The following ZNF600 variants were observed in gnomAD, a reference collection of about 807,000 sequenced individuals.
ZNF600 encodes zinc finger protein KR-ZNF1.
A neutral mutation model predicts 7.3 loss-of-function variants in ZNF600; 4 were observed. That is an observed-to-expected ratio of 0.55 (90% CI 0.27 to 1.25). The LOEUF (loss-of-function observed/expected upper bound fraction) is 1.25, where lower values mean the gene tolerates loss of function less well. ZNF600 is among the 50% of genes most tolerant of loss of function. The probability of loss-of-function intolerance (pLI) is 0.12; values close to 1 mark genes in which losing one functional copy is unlikely to be tolerated. For missense variants in ZNF600, 911 were observed against 922.1 expected (o/e 0.99, Z 0.16); for synonymous variants, 290 against 308.9 (o/e 0.94, Z 0.64).
At chr19:52,796,743 C>T in the ZNF600 span, among the ~76,000 whole-genome samples, 3 of 152,220 alleles carry the variant, frequency 2.0e-5, no homozygotes, top group Non-Finnish European at 4.4e-5. Flanking sequence ...GCTGGTATTA[C>T]AGGCCTGAGC....
At chr19:52,800,923 A>G in the ZNF600 span, 1 of 1,614,154 alleles carries the variant, frequency 6.2e-7, no homozygotes, top group East Asian at 2.2e-5. Flanking sequence ...TTGCGACTGA[A>G]AACTTTGTCA....
chr19:52,826,915 G>C, the ZNF600 span, among the ~76,000 whole-genome samples: 1 of 152,006 alleles, frequency 6.6e-6, no homozygotes, highest in Non-Finnish European at 1.5e-5. Flanking sequence ...GCAGAGTCCA[G>C]CCAGGCTGGC....
exon 4 of ZNF600, chr19:52,766,293 T>G: frequency 6.2e-7 from 1 of 1,614,220 alleles, no homozygotes; most frequent in South Asian, 1.1e-5. Flanking sequence ...AATTCTAGTA[T>G]GTTTTGCCAG....
chr19:52,765,571 T>C (rs1428009140), exon 4 of ZNF600: 4 of 1,613,676 alleles, frequency 2.5e-6, no homozygotes, highest in African/African-American at 1.3e-5. Flanking sequence ...CTGAAGACTT[T>C]GTGACAATCA....
At chr19:52,819,345 C>A in the ZNF600 span, among the ~76,000 whole-genome samples, 1 of 145,720 alleles carries the variant, frequency 6.9e-6, no homozygotes, top group Non-Finnish European at 1.5e-5. Context: ...ACAAAGTCCT[C>A]CGAAGATGGT....
the ZNF600 span, among the ~76,000 whole-genome samples, chr19:52,832,813 C>T: frequency 3.9e-5 from 6 of 151,988 alleles, no homozygotes; most frequent in Non-Finnish European, 8.8e-5. Flanking sequence ...GCCCTGTTGC[C>T]TAGGCTGGAG....
chr19:52,827,270 A>G, the ZNF600 span, among the ~76,000 whole-genome samples: 1 of 151,786 alleles, frequency 6.6e-6, no homozygotes, highest in Non-Finnish European at 1.5e-5. Context: ...AAAGAAAAAA[A>G]GAAAATTGGC....
At chr19:52,770,903 G>T (rs1347219583) in intron 3 of ZNF600, among the ~76,000 whole-genome samples, 1 of 151,894 alleles carries the variant, frequency 6.6e-6, no homozygotes, top group African/African-American at 2.4e-5. Context: ...GCATGATCTA[G>T]GTTCACCACA....
At chr19:52,818,101 T>C in the ZNF600 span, 2 of 1,403,066 alleles carry the variant, frequency 1.4e-6, no homozygotes, top group Non-Finnish European at 9.7e-7. Flanking sequence ...CAACAACACA[T>C]ACAAAGGAGA....
the ZNF600 span, among the ~76,000 whole-genome samples, chr19:52,809,479 G>A: frequency 6.6e-6 from 1 of 152,202 alleles, no homozygotes; most frequent in Non-Finnish European, 1.5e-5. Flanking sequence ...TCTACTTGAG[G>A]GTGGAGGGTG....
intron 2 of ZNF600, among the ~76,000 whole-genome samples, chr19:52,775,623 G>C (rs1307838992): frequency 6.6e-6 from 1 of 151,802 alleles, no homozygotes; most frequent in African/African-American, 2.4e-5. Flanking sequence ...AACATACCAG[G>C]TGATATTAAG....
chr19:52,822,221 C>CG, the ZNF600 span, among the ~76,000 whole-genome samples: 741 of 151,762 alleles, frequency 4.9e-3, 6 homozygotes, highest in African/African-American at 0.017. Flanking sequence ...TACAGGCACA[C>CG]CCACCATGCC....
chr19:52,768,154 T>C (rs2062603961), intron 3 of ZNF600, among the ~76,000 whole-genome samples: 1 of 145,810 alleles, frequency 6.9e-6, no homozygotes, highest in South Asian at 2.2e-4. Flanking sequence ...GTACAAATGC[T>C]AAAAAAAAAA....
At chr19:52,769,714 C>T (rs1187821241) in intron 3 of ZNF600, among the ~76,000 whole-genome samples, 3 of 152,072 alleles carry the variant, frequency 2.0e-5, no homozygotes, top group Non-Finnish European at 4.4e-5. Flanking sequence ...CAAAACCCAC[C>T]GACCCTGTGG....
chr19:52,800,774 A>G, the ZNF600 span: 10 of 1,614,116 alleles, frequency 6.2e-6, no homozygotes, highest in East Asian at 2.2e-4. Context: ...CACATTCATT[A>G]CACTTGTAAG....
chr19:52,794,240 C>T, the ZNF600 span, among the ~76,000 whole-genome samples: 20 of 152,190 alleles, frequency 1.3e-4, no homozygotes, highest in South Asian at 1.0e-3. Context: ...TTTTCCATTC[C>T]GGTATTTGTG....
At chr19:52,775,238 T>TA (rs763471785) in intron 2 of ZNF600, among the ~76,000 whole-genome samples, 2 of 145,256 alleles carry the variant, frequency 1.4e-5, no homozygotes, top group East Asian at 4.2e-4. Context: ...ACACTCCATC[T>TA]CAAAAAACAA....
chr19:52,783,828 T>C (rs575832606), intron 1 of ZNF600, among the ~76,000 whole-genome samples: 2 of 152,202 alleles, frequency 1.3e-5, no homozygotes, highest in East Asian at 1.9e-4. Context: ...TTCGCTCTTG[T>C]TGCCCACGCT....
At chr19:52,765,178 T>C (rs760982732) in exon 4 of ZNF600, 4 of 461,488 alleles carry the variant, frequency 8.7e-6, no homozygotes, top group Admixed American at 2.6e-5. Context: ...TGGGAACAGT[T>C]ATCTCAAAAA....
Sources: allele counts gnomAD v4.1 joint callset (sites outside exome capture counted in the v4.1 genomes callset), GRCh38; gene constraint gnomAD v4.1.1; transcripts MANE v1.5; gene names NCBI Gene and HGNC (gene_info 2026-07-23, HGNC 2026-07-21).